Variants in HIPK2 observed in about 807,000 individuals in gnomAD.
HIPK2 encodes the protein homeodomain-interacting protein kinase 2.
In HIPK2, 27 loss-of-function variants were observed where a neutral mutation model predicts 113.7. The ratio of observed to expected loss-of-function variants is 0.24; its 90% CI spans 0.17 to 0.33. The LOEUF is 0.33. HIPK2 is among the 10% of genes least tolerant of loss of function. The pLI, the probability that HIPK2 is intolerant of heterozygous loss-of-function variation, is 1.00. For synonymous variants in HIPK2, 631 were observed against 642.2 expected (o/e 0.98, Z 0.26); for missense variants, 1,257 against 1,588.0 (o/e 0.79, Z 3.54).
intron 1 of HIPK2, among the ~76,000 whole-genome samples, chr7:139,773,227 G>A (rs1449987888): frequency 1.3e-5 from 2 of 152,130 alleles, no homozygotes; most frequent in African/African-American, 2.4e-5. Context: ...AAGTCAATAT[G>A]GCCTAAGTCA....
chr7:139,607,552 T>C (rs1352561352), intron 9 of HIPK2, among the ~76,000 whole-genome samples: 1 of 151,922 alleles, frequency 6.6e-6, no homozygotes, highest in East Asian at 1.9e-4. Context: ...TATAATGAGA[T>C]ATACAGAAAA....
chr7:139,607,213 A>G (rs1302631032), intron 9 of HIPK2, among the ~76,000 whole-genome samples: 1 of 152,058 alleles, frequency 6.6e-6, no homozygotes, highest in East Asian at 1.9e-4. Context: ...AATAGAGGGG[A>G]AAAAAAGATA....
chr7:139,753,607 A>G (rs150849684), intron 1 of HIPK2, among the ~76,000 whole-genome samples: 203 of 152,372 alleles, frequency 1.3e-3, no homozygotes, highest in African/African-American at 4.6e-3. Context: ...TTCATGGATC[A>G]TAGTAACCAG....
At chr7:139,762,880 T>C (rs1796491866) in intron 1 of HIPK2, among the ~76,000 whole-genome samples, 2 of 152,240 alleles carry the variant, frequency 1.3e-5, no homozygotes, top group South Asian at 4.1e-4. Flanking sequence ...AGTGGGTTCA[T>C]GAAAATTGTT....
At chr7:139,629,166 C>G in intron 4 of HIPK2, 127 bp from the exon 5 acceptor site, 1 of 706,856 alleles carries the variant, frequency 1.4e-6, no homozygotes, top group Non-Finnish European at 2.4e-6. Context: ...TTTGATTCTT[C>G]AATGACCTGC....
rs77643872 is a variant in HIPK2, at chr7:139,746,330, C to A, written c.20-29315G>T. ...CAAGACCATCCTTCAAACCCCAGAT[C>A]AAATGATGCATCCCTTGTCACTGGG... On this transcript the variant is annotated intron_variant, in intron 1 of 14. Transcript: ENST00000406875. Among the ~76,000 whole-genome samples the A allele has an allele frequency of 6.9e-3, 1,058 of 152,330 alleles. 13 individuals carry two copies. The highest frequency in any genetic ancestry group is 0.025 in the African/African-American group (1,022 of 41,564).
Position 139,716,195 on chromosome 7 carries a change from C to T in HIPK2, c.840G>A (p.Leu280=). The change falls in exon 2 of 15, where the codon TTG becomes TTA. Residue 280 remains leucine, a synonymous_variant. Transcript: ENST00000406875. The surrounding 1 kb of genome is among the most constrained non-coding windows in gnomAD (Gnocchi z 9.3). ...TCAGAAAGTCATAGAGGTTCTGCTC[C>T]AACATCTCGAAGACCAAGCACGTGT... The part of the protein sequence containing the change: ...KNHTCLVFEM[L]EQNLYDFLKQ... 1 of 1,614,028 alleles carries T rather than the reference C, an allele frequency of 6.2e-7. No individual in the cohort carries two copies. The highest frequency in any genetic ancestry group is 8.5e-7 in the Non-Finnish European group (1 of 1,179,898).
At chr7:139,667,260 C>T (rs528112532) in intron 2 of HIPK2, among the ~76,000 whole-genome samples, 6 of 152,052 alleles carry the variant, frequency 3.9e-5, no homozygotes, top group Admixed American at 6.6e-5. Context: ...TATTAATATT[C>T]CATCTTATAA....
intron 2 of HIPK2, among the ~76,000 whole-genome samples, chr7:139,641,562 G>A (rs1159647284): frequency 6.6e-6 from 1 of 152,170 alleles, no homozygotes; most frequent in Non-Finnish European, 1.5e-5. Context: ...CTAACAGTGT[G>A]CCAGGCTAGA....
intron 2 of HIPK2, among the ~76,000 whole-genome samples, chr7:139,679,110 G>C (rs1216392297): frequency 1.3e-5 from 2 of 152,330 alleles, no homozygotes; most frequent in Non-Finnish European, 2.9e-5. Flanking sequence ...TCTGCAAAGA[G>C]AGACGATTTG....
At chr7:139,711,815 CA>C (rs988203927) in intron 2 of HIPK2, among the ~76,000 whole-genome samples, 1 of 152,148 alleles carries the variant, frequency 6.6e-6, no homozygotes, top group African/African-American at 2.4e-5. Context: ...AACAAAAGGG[CA>C]GGGGCGCCCA....
intron 2 of HIPK2, among the ~76,000 whole-genome samples, chr7:139,655,639 G>A (rs1801639984): frequency 6.6e-6 from 1 of 152,134 alleles, no homozygotes; most frequent in African/African-American, 2.4e-5. Flanking sequence ...GCCCTGCACT[G>A]ATGGACGCAC....
At chr7:139,600,365 G>A (rs1799378126) in intron 11 of HIPK2, 52 bp downstream of exon 11, 1 of 1,574,950 alleles carries the variant, frequency 6.3e-7, no homozygotes, top group South Asian at 1.2e-5. Flanking sequence ...CATTTCTTTA[G>A]CACTCACATC....
intron 2 of HIPK2, among the ~76,000 whole-genome samples, chr7:139,713,828 C>T (rs895325072): frequency 2.6e-5 from 4 of 152,246 alleles, no homozygotes; most frequent in African/African-American, 7.2e-5. Context: ...AGCTAGCCCC[C>T]AATGGGGCTG....
At chr7:139,685,344 G>T (rs1463004218) in intron 2 of HIPK2, among the ~76,000 whole-genome samples, 1 of 151,936 alleles carries the variant, frequency 6.6e-6, no homozygotes, top group African/African-American at 2.4e-5. Flanking sequence ...CTAATTTTTT[G>T]TACAGACAAG....
chr7:139,609,252 G>A (rs1799731015), intron 9 of HIPK2, among the ~76,000 whole-genome samples: 1 of 152,150 alleles, frequency 6.6e-6, no homozygotes, highest in Non-Finnish European at 1.5e-5. Flanking sequence ...AAAAGCTTTT[G>A]TTGCAAGGTG....
At chr7:139,729,017 T>A (rs1795679405) in intron 1 of HIPK2, among the ~76,000 whole-genome samples, 1 of 152,112 alleles carries the variant, frequency 6.6e-6, no homozygotes, top group Non-Finnish European at 1.5e-5. Flanking sequence ...GCAACTGTAG[T>A]CACTTTGGTA....
At chr7:139,625,980 T>C (rs1800412705) in intron 6 of HIPK2, among the ~76,000 whole-genome samples, 1 of 152,202 alleles carries the variant, frequency 6.6e-6, no homozygotes, top group African/African-American at 2.4e-5. Flanking sequence ...CCTCTCTTCC[T>C]GCACAGATAC....
At chr7:139,656,575 C>T (rs1265060626) in intron 2 of HIPK2, among the ~76,000 whole-genome samples, 1 of 152,212 alleles carries the variant, frequency 6.6e-6, no homozygotes, top group Non-Finnish European at 1.5e-5. Context: ...TTACAGCCTG[C>T]TGCCTGACTC....
Sources: allele counts gnomAD v4.1 joint callset (sites outside exome capture counted in the v4.1 genomes callset), GRCh38; gene constraint gnomAD v4.1.1; non-coding constraint Gnocchi (gnomAD v3.1); transcripts MANE v1.5; gene names NCBI Gene and HGNC (gene_info 2026-07-23, HGNC 2026-07-21).